Variants in COQ4 observed in about 807,000 individuals in gnomAD.
COQ4 encodes the protein ubiquinone biosynthesis protein COQ4 homolog, mitochondrial.
A neutral mutation model predicts 30.2 loss-of-function variants in COQ4; 36 were observed. The observed-to-expected ratio is 1.19, with a 90% CI of 0.91 to 1.57. COQ4 has a LOEUF of 1.57. Among genes scored for constraint, COQ4 ranks in the 40% most tolerant of loss-of-function variants. The pLI, the probability that COQ4 is intolerant of heterozygous loss-of-function variation, is 0.00. For synonymous variants in COQ4, 197 were observed against 161.0 expected (o/e 1.22, Z -1.69); for missense variants, 369 against 371.9 (o/e 0.99, Z 0.07).
rs1189874656 is a variant in COQ4, at chr9:128,330,217, A to AG, written c.403-1936_403-1935insG. Reference sequence around the variant, plus strand: ...AACCCTGTCTCTACTAAAAAAAAAAAAAAAAATTAGCCGGGTGTAGTGGCA... The same window carrying AG: ...AACCCTGTCTCTACTAAAAAAAAAAAGAAAAAATTAGCCGGGTGTAGTGGCA... On this transcript the variant is annotated intron_variant, in intron 4 of 6. Transcript: ENST00000300452. 1.9e-4 allele frequency among the ~76,000 whole-genome samples: 29 copies of AG among 151,540 alleles called. No homozygotes were observed. In the East Asian group the frequency reaches 3.8e-3, roughly 20 times the overall value.
chr9:128,327,805 A>G (rs1832346940), intron 4 of COQ4, among the ~76,000 whole-genome samples: 1 of 152,214 alleles, frequency 6.6e-6, no homozygotes, highest in Admixed American at 6.5e-5. Flanking sequence ...CTGTCTCAAA[A>G]ATAAAAAAAA....
At position 128,332,288 on chromosome 9, in the gene COQ4, T is replaced by A. The variant is rs1320816826; in HGVS notation, c.532+6T>A. ...GATGCCCACCAACATCCTGGGTGAG[T>A]GCCCCCAACCCTGATGGCCTGTCTC... is the stretch of plus-strand genomic sequence containing the variant. On this transcript the variant is annotated splice_donor_region_variant and intron_variant, in intron 5 of 6. Transcript: ENST00000300452. 1 of 1,611,792 alleles carries A rather than the reference T, an allele frequency of 6.2e-7. No homozygotes were observed. The highest frequency in any genetic ancestry group is 8.5e-7 in the Non-Finnish European group (1 of 1,179,674).
chr9:128,333,392 CTG>C (rs1832446648), intron 6 of COQ4, 80 bp from the exon 7 acceptor site: 2 of 1,294,794 alleles, frequency 1.5e-6, no homozygotes, highest in Admixed American at 5.3e-5. Context: ...TGAGGATGAA[CTG>C]AGAAAATGCA....
Position 128,333,579 on chromosome 9 carries a change from C to G in COQ4, c.732C>G (p.Ser244=). Residue 244 remains serine, a synonymous_variant, in exon 7 of 7, where the codon TCC becomes TCG. Coordinates refer to ENST00000300452, the MANE Select transcript of COQ4 (RefSeq NM_016035.5). ...ACTATGAGCGGCGCTGGGAGCAGTC[C>G]CTGAGGGCTCTGCGGGAGGAGCTGG... ...NLYYERRWEQ[S]LRALREELGI... The G allele has an allele frequency of 6.2e-7, 1 of 1,608,408 alleles. No individual in the cohort carries two copies. The highest frequency in any genetic ancestry group is 8.5e-7 in the Non-Finnish European group (1 of 1,177,790).
intron 4 of COQ4, chr9:128,330,701 G>T (rs1832392209): frequency 6.6e-6 from 1 of 152,060 alleles, no homozygotes; most frequent in South Asian, 2.1e-4. Context: ...AGCTCCTCAG[G>T]TGATCCGCCC....
At chr9:128,331,210 G>C (rs1031332156) in intron 4 of COQ4, 1 of 152,190 alleles carries the variant, frequency 6.6e-6, no homozygotes, top group African/African-American at 2.4e-5. Context: ...TATTTTATAT[G>C]ATCAGCACAT....
At chr9:128,325,298 A>G (rs1458888489) in intron 3 of COQ4, 59 bp downstream of exon 3, 7 of 1,167,804 alleles carry the variant, frequency 6.0e-6, no homozygotes, top group Non-Finnish European at 8.7e-6. Context: ...TGACCTCTCT[A>G]GAATCACATT....
intron 2 of COQ4, among the ~76,000 whole-genome samples, chr9:128,324,857 T>C (rs1588537697): frequency 6.6e-6 from 1 of 152,192 alleles, no homozygotes; most frequent in South Asian, 2.1e-4. Context: ...CCTCTACCAA[T>C]CAATGGAGAC....
In COQ4 at chr9:128,322,842, C is replaced by G; in HGVS notation, c.-17C>G. 1 of 1,536,650 alleles carries G rather than the reference C, an allele frequency of 6.5e-7. No homozygotes were observed. The highest frequency in any genetic ancestry group is 8.7e-7 in the Non-Finnish European group (1 of 1,144,350). On this transcript the variant is annotated 5_prime_UTR_variant, in exon 1 of 7. Transcript: ENST00000300452. ...GCGTTCTTCGTACCCGCCCATCCTC[C>G]GCGGACGCCCGCTGCCATGGCGACT...
intron 4 of COQ4, 142 bp from the exon 5 acceptor site, chr9:128,332,011 T>C (rs1832420801): frequency 1.0e-6 from 1 of 960,906 alleles, no homozygotes; most frequent in East Asian, 2.7e-5. Flanking sequence ...TTTACAGGCA[T>C]GAGCCTCGGC....
chr9:128,332,691 C>G, intron 5 of COQ4, 159 bp from the exon 6 acceptor site: 1 of 672,108 alleles, frequency 1.5e-6, no homozygotes. Context: ...CTCCTGTACT[C>G]CAAGCCAAGT....
intron 4 of COQ4, 66 bp downstream of exon 4, chr9:128,325,947 C>G (rs1333328949): frequency 2.2e-6 from 3 of 1,384,562 alleles, no homozygotes; most frequent in Non-Finnish European, 3.1e-6. Context: ...ACAGGCATGA[C>G]ACCCTGAGGA....
chr9:128,332,740 G>T, intron 5 of COQ4, 110 bp from the exon 6 acceptor site: 2 of 874,746 alleles, frequency 2.3e-6, no homozygotes. Context: ...GGGCACAGCT[G>T]ACCCCGTAGA....
intron 4 of COQ4, chr9:128,330,666 G>T (rs1159153906): frequency 1.3e-5 from 2 of 149,860 alleles, no homozygotes; most frequent in African/African-American, 2.5e-5. Context: ...GCTAATTTTT[G>T]ACCATATTGG....
chr9:128,326,470 A>ATTT (rs1832323074), intron 4 of COQ4: 1 of 145,292 alleles, frequency 6.9e-6, no homozygotes, highest in Non-Finnish European at 1.5e-5. Flanking sequence ...TTTTTTTTTG[A>ATTT]GTCGCTCTGT....
At chr9:128,325,713 C>A in intron 3 of COQ4, 66 bp from the exon 4 acceptor site, 2 of 1,253,034 alleles carry the variant, frequency 1.6e-6, no homozygotes, top group Non-Finnish European at 2.3e-6. Context: ...CCCCTCAGCT[C>A]GCTGTAGTTG....
rs1832310238 is a variant in COQ4 at position 128,325,842 on chromosome 9, C to T, written c.363C>T (p.Gly121=). The change falls in exon 4 of 7, where the codon GGC becomes GGT. Residue 121 remains glycine (G), a synonymous_variant. Transcript: ENST00000300452. ...GCAAGCTCCAGAGCCTGCCGGAAGG[C>T]TCCCTCGGTCGCGAGTATCTCCGTT... ...DLGKLQSLPE[G]SLGREYLRFL... 1.9e-6 allele frequency: 3 copies of T among 1,614,080 alleles called. No individual in the cohort carries two copies. The highest frequency in any genetic ancestry group is 2.7e-5 in the African/African-American group (2 of 74,938).
In COQ4 at chr9:128,333,950, G is replaced by A. The variant is rs1832458008; in HGVS notation, c.*305G>A. 1 of 222,630 alleles carries A rather than the reference G, an allele frequency of 4.5e-6. No individual in the cohort carries two copies. Among genetic ancestry groups the A allele is most frequent in the African/African-American group, 2.3e-5 (1 of 43,950 alleles). 13.8% of individuals were successfully genotyped at this position (222,630 alleles called of 1,614,324 possible). A position where few individuals can be genotyped will look rare whatever the true frequency, so the allele number is the denominator to read the frequency against. On this transcript the variant is annotated 3_prime_UTR_variant, in exon 7 of 7. Coordinates refer to ENST00000300452, the MANE Select transcript of COQ4 (RefSeq NM_016035.5). ...TGTTGCAACTCCTCCCAGCCAGCCA[G>A]GTTTGCTGGGGGCCAGGCTGGGTGT... is the stretch of plus-strand genomic sequence containing the variant.
At chr9:128,326,176 C>T (rs1203492785) in intron 4 of COQ4, 2 of 559,348 alleles carry the variant, frequency 3.6e-6, no homozygotes, top group Non-Finnish European at 6.3e-6. Flanking sequence ...TATTATTATC[C>T]TCTTTTAGCA....
Sources: allele counts gnomAD v4.1 joint callset (sites outside exome capture counted in the v4.1 genomes callset), GRCh38; gene constraint gnomAD v4.1.1; transcripts MANE v1.5; gene names NCBI Gene and HGNC (gene_info 2026-07-23, HGNC 2026-07-21).